Variants in NRXN3 observed in about 807,000 individuals in gnomAD.
NRXN3 encodes the protein neurexin III.
Under a neutral mutation model 137.6 loss-of-function variants are expected in NRXN3, and 32 were observed. That is an observed-to-expected ratio of 0.23 (90% CI 0.18 to 0.31). The LOEUF is 0.31. Among genes scored for constraint, NRXN3 ranks in the 10% least tolerant of loss-of-function variants. NRXN3 has a pLI of 1.00. For missense variants in NRXN3, 1,574 were observed against 2,062.5 expected (o/e 0.76, Z 4.59); for synonymous variants, 798 against 784.5 (o/e 1.02, Z -0.29).
chr14:79,344,440 A>G (rs2092767965), intron 15 of NRXN3, among the ~76,000 whole-genome samples: 1 of 152,220 alleles, frequency 6.6e-6, no homozygotes, highest in East Asian at 1.9e-4. Context: ...GTCACATAGG[A>G]AATGTAGAAC....
intron 4 of NRXN3, among the ~76,000 whole-genome samples, chr14:78,377,984 C>T (rs2088215745): frequency 6.6e-6 from 1 of 152,080 alleles, no homozygotes; most frequent in African/African-American, 2.4e-5. Flanking sequence ...TTGCAGGTGT[C>T]CATAGAACAT....
At chr14:79,626,983 G>A (rs1047377451) in intron 16 of NRXN3, among the ~76,000 whole-genome samples, 7 of 151,988 alleles carry the variant, frequency 4.6e-5, no homozygotes, top group Admixed American at 6.6e-5. Flanking sequence ...CAGAAATCTC[G>A]GGTGAGAAAT....
chr14:79,382,174 T>G (rs547382347), intron 15 of NRXN3, among the ~76,000 whole-genome samples: 2 of 152,160 alleles, frequency 1.3e-5, no homozygotes, highest in African/African-American at 4.8e-5. Flanking sequence ...AGGACATCCC[T>G]GGCATATAGC....
chr14:78,982,533 G>C (rs1008846770), intron 14 of NRXN3, among the ~76,000 whole-genome samples: 1 of 152,076 alleles, frequency 6.6e-6, no homozygotes, highest in African/African-American at 2.4e-5. Flanking sequence ...GGTGCCACAA[G>C]TATGCAATGG....
At chr14:79,824,832 T>G (rs1315392485) in intron 20 of NRXN3, among the ~76,000 whole-genome samples, 2 of 152,244 alleles carry the variant, frequency 1.3e-5, no homozygotes, top group Non-Finnish European at 2.9e-5. Flanking sequence ...TGTATCATCA[T>G]ATGTAAAATA....
chr14:79,545,642 A>G (rs962627495), intron 16 of NRXN3, among the ~76,000 whole-genome samples: 1 of 151,882 alleles, frequency 6.6e-6, no homozygotes, highest in East Asian at 1.9e-4. Flanking sequence ...TCTGCCTACC[A>G]TAAGAGATTG....
At chr14:78,743,338 A>G (rs1459494176) in intron 8 of NRXN3, among the ~76,000 whole-genome samples, 1 of 152,178 alleles carries the variant, frequency 6.6e-6, no homozygotes, top group African/African-American at 2.4e-5. Flanking sequence ...ATTAATGTAA[A>G]GTTTTTGAAT....
intron 4 of NRXN3, among the ~76,000 whole-genome samples, chr14:78,554,760 G>A (rs184605180): frequency 1.3e-5 from 2 of 148,852 alleles, no homozygotes; most frequent in African/African-American, 5.0e-5. Flanking sequence ...ACATTTTAGC[G>A]TTCGTGGGCC....
At chr14:78,793,679 G>GC (rs974088945) in intron 8 of NRXN3, among the ~76,000 whole-genome samples, 1 of 152,136 alleles carries the variant, frequency 6.6e-6, no homozygotes, top group Admixed American at 6.5e-5. Flanking sequence ...TTTACCGGAG[G>GC]TCAGTCACAT....
chr14:78,251,215 C>T (rs1166081743), intron 2 of NRXN3, among the ~76,000 whole-genome samples: 1 of 152,124 alleles, frequency 6.6e-6, no homozygotes, highest in Non-Finnish European at 1.5e-5. Context: ...AGTTGGAGCT[C>T]CTGGATTCCT....
At chr14:78,339,410 A>G (rs931534217) in intron 4 of NRXN3, among the ~76,000 whole-genome samples, 8 of 152,170 alleles carry the variant, frequency 5.3e-5, no homozygotes, top group Non-Finnish European at 1.2e-4. Flanking sequence ...TGTGACAAAC[A>G]GACACAGGCC....
chr14:79,668,206 T>C (rs1376447776), intron 17 of NRXN3, among the ~76,000 whole-genome samples: 1 of 152,138 alleles, frequency 6.6e-6, no homozygotes, highest in East Asian at 1.9e-4. Flanking sequence ...GATGCTACAT[T>C]AGAAAACTCT....
intron 15 of NRXN3, among the ~76,000 whole-genome samples, chr14:79,089,851 T>A (rs2048834612): frequency 6.6e-6 from 1 of 152,162 alleles, no homozygotes; most frequent in Non-Finnish European, 1.5e-5. Context: ...AAACTCCAGC[T>A]CACCTCTTGG....
intron 15 of NRXN3, among the ~76,000 whole-genome samples, chr14:79,041,815 A>G (rs1305041670): frequency 1.3e-5 from 2 of 152,188 alleles, no homozygotes; most frequent in Non-Finnish European, 2.9e-5. Context: ...ACAAAGATTT[A>G]TATAAATAAT....
chr14:78,396,482 GA>G (rs2091469874), intron 4 of NRXN3, among the ~76,000 whole-genome samples: 1 of 152,082 alleles, frequency 6.6e-6, no homozygotes, highest in South Asian at 2.1e-4. Context: ...TTTGTTTAGG[GA>G]AATTTTGTTA....
intron 16 of NRXN3, among the ~76,000 whole-genome samples, chr14:79,601,540 CT>C (rs1407908943): frequency 6.6e-6 from 1 of 152,140 alleles, no homozygotes; most frequent in Non-Finnish European, 1.5e-5. Context: ...TACTACGTTC[CT>C]TTATCTCTGT....
chr14:79,636,102 CCAAT>C (rs914460758), intron 16 of NRXN3, among the ~76,000 whole-genome samples: 2 of 152,134 alleles, frequency 1.3e-5, no homozygotes, highest in African/African-American at 4.8e-5. Context: ...TATAGGAACA[CCAAT>C]CATTTTGAGT....
At chr14:79,368,166 T>C (rs143081895) in intron 15 of NRXN3, among the ~76,000 whole-genome samples, 1 of 152,298 alleles carries the variant, frequency 6.6e-6, no homozygotes, top group African/African-American at 2.4e-5. Context: ...ACATACCCTA[T>C]TTTTAAAATT....
intron 6 of NRXN3, among the ~76,000 whole-genome samples, chr14:78,693,648 T>A (rs1295158963): frequency 6.8e-6 from 1 of 148,058 alleles, no homozygotes; most frequent in African/African-American, 2.5e-5. Flanking sequence ...GCTTTTCAAG[T>A]TGATTTTCGT....
Sources: allele counts gnomAD v4.1 joint callset (sites outside exome capture counted in the v4.1 genomes callset), GRCh38; gene constraint gnomAD v4.1.1; transcripts MANE v1.5; gene names NCBI Gene and HGNC (gene_info 2026-07-23, HGNC 2026-07-21).